The following PPP2R1B variants were observed in gnomAD, a reference collection of about 807,000 sequenced individuals.
PPP2R1B encodes the protein protein phosphatase 2 scaffold subunit Abeta.
In PPP2R1B, 58 loss-of-function variants were observed where a neutral mutation model predicts 72.7. The observed-to-expected ratio is 0.80, with a 90% CI of 0.65 to 0.99. PPP2R1B has a LOEUF of 0.99. Among genes scored for constraint, PPP2R1B ranks in the 50% least tolerant of loss-of-function variants. The probability of loss-of-function intolerance (pLI) is 0.00; values close to 1 mark genes in which losing one functional copy is unlikely to be tolerated. For missense variants in PPP2R1B, 695 were observed against 733.6 expected (o/e 0.95, Z 0.61); for synonymous variants, 256 against 264.6 (o/e 0.97, Z 0.32).
chr11:111,720,450 G>GT, the PPP2R1B span: 1 of 1,566,556 alleles, frequency 6.4e-7, no homozygotes, highest in Non-Finnish European at 8.6e-7. Context: ...ATTGCTGTTG[G>GT]TTTTATCTGT....
At chr11:111,748,256 G>C (rs782313900) in intron 10 of PPP2R1B, among the ~76,000 whole-genome samples, 3 of 152,232 alleles carry the variant, frequency 2.0e-5, no homozygotes, top group Non-Finnish European at 4.4e-5. Context: ...AGAGAACAGG[G>C]TGGCCAGAAG....
the PPP2R1B span, among the ~76,000 whole-genome samples, chr11:111,718,250 T>C: frequency 1.3e-5 from 2 of 152,188 alleles, no homozygotes; most frequent in Non-Finnish European, 2.9e-5. Flanking sequence ...AAAATTGTAT[T>C]AGTAGAGAGT....
downstream of PPP2R1B, among the ~76,000 whole-genome samples, chr11:111,735,527 T>A (rs1197669608): frequency 6.6e-6 from 1 of 152,004 alleles, no homozygotes; most frequent in Non-Finnish European, 1.5e-5. Context: ...GTGTGGGAGG[T>A]GACCCTCGCT....
chr11:111,726,842 C>G, downstream of PPP2R1B: 1 of 830,124 alleles, frequency 1.2e-6, no homozygotes, highest in Non-Finnish European at 2.0e-6. Context: ...CTTCATCACC[C>G]TGTAAACCAG....
the PPP2R1B span, among the ~76,000 whole-genome samples, chr11:111,696,389 G>A: frequency 6.6e-6 from 1 of 152,052 alleles, no homozygotes; most frequent in South Asian, 2.1e-4. Context: ...CTGGGTGAAG[G>A]GTATGGGGAA....
rs78226785 is a variant in PPP2R1B at position 111,746,693 on chromosome 11, A to G, written c.1399+1261T>C. On this transcript the variant is annotated intron_variant, in intron 11 of 14. Transcript: ENST00000527614. ...TGATTTGCTAGGATGCACCATTCCC[A>G]GTAACGTCAAATATTTATCAGATAT... Among the ~76,000 whole-genome samples, 521 of 152,330 alleles carry G rather than the reference A, an allele frequency of 3.4e-3. 4 individuals carry two copies. The highest frequency in any genetic ancestry group is 6.2e-3 in the Non-Finnish European group (424 of 68,024).
chr11:111,735,776 A>G (rs1944323131), downstream of PPP2R1B, among the ~76,000 whole-genome samples: 2 of 152,064 alleles, frequency 1.3e-5, no homozygotes, highest in Non-Finnish European at 2.9e-5. Context: ...GCTCACGCTC[A>G]CCCCATTCGG....
At chr11:111,745,134 C>T (rs570354706) in intron 11 of PPP2R1B, among the ~76,000 whole-genome samples, 13 of 149,540 alleles carry the variant, frequency 8.7e-5, no homozygotes, top group Middle Eastern at 3.4e-3. Flanking sequence ...TCACTGCAAC[C>T]TCCGCCTCCT....
intron 10 of PPP2R1B, among the ~76,000 whole-genome samples, chr11:111,751,562 G>A (rs1245085490): frequency 6.6e-6 from 1 of 152,112 alleles, no homozygotes; most frequent in Non-Finnish European, 1.5e-5. Flanking sequence ...TTGAATTTGG[G>A]CTGCTCAACC....
At chr11:111,692,405 G>A in the PPP2R1B span, among the ~76,000 whole-genome samples, 1 of 138,544 alleles carries the variant, frequency 7.2e-6, no homozygotes, top group Non-Finnish European at 1.5e-5. Context: ...AAGGAGAGAG[G>A]GAGAGAGAGA....
chr11:111,697,569 T>C, the PPP2R1B span, among the ~76,000 whole-genome samples: 1 of 152,216 alleles, frequency 6.6e-6, no homozygotes. Context: ...ATTTTTCAAA[T>C]GAGGAAACCA....
chr11:111,700,926 G>A, the PPP2R1B span: 1 of 1,614,054 alleles, frequency 6.2e-7, no homozygotes. Flanking sequence ...GTGAACTGCT[G>A]GCAACATGGT....
chr11:111,723,134 G>A (rs956432151), downstream of PPP2R1B, among the ~76,000 whole-genome samples: 1 of 152,134 alleles, frequency 6.6e-6, no homozygotes. Context: ...GCTTGGCCAA[G>A]GTAGACCTAC....
At chr11:111,709,002 T>C in the PPP2R1B span, among the ~76,000 whole-genome samples, 5 of 152,336 alleles carry the variant, frequency 3.3e-5, no homozygotes, top group African/African-American at 1.2e-4. Flanking sequence ...CTTTAATTAC[T>C]GTTTAGAGGT....
intron 11 of PPP2R1B, among the ~76,000 whole-genome samples, chr11:111,746,472 CAG>C (rs1367139282): frequency 2.0e-5 from 3 of 152,034 alleles, no homozygotes; most frequent in African/African-American, 4.8e-5. Flanking sequence ...TGAGGCCTAT[CAG>C]GGGGTGAGGG....
Position 111,753,511 on chromosome 11 carries a change from T to G in PPP2R1B, c.1096A>C (p.Thr366Pro). 1 of 1,613,066 alleles carries G rather than the reference T, an allele frequency of 6.2e-7. No homozygotes were observed. Among genetic ancestry groups the G allele is most frequent in the African/African-American group, 1.3e-5 (1 of 75,022 alleles). Residue 366 changes from threonine to proline, a missense_variant, in exon 9 of 15, where the codon ACT becomes CCT. Coordinates refer to ENST00000527614, the MANE Select transcript of PPP2R1B (RefSeq NM_002716.5). ...ALASVIMGLS[T>P]ILGKENTIEH... ...ATGGTATTTTCTTTGCCCAAAATAGTAGACAATCCCATAATTACAGAAGCT... is the reference window on the plus strand; with the variant it reads ...ATGGTATTTTCTTTGCCCAAAATAGGAGACAATCCCATAATTACAGAAGCT...
At chr11:111,758,701 A>T (rs369750143) in intron 5 of PPP2R1B, among the ~76,000 whole-genome samples, 6 of 152,162 alleles carry the variant, frequency 3.9e-5, no homozygotes, top group African/African-American at 1.2e-4. Flanking sequence ...GGAGGAGGAA[A>T]GAGAGATTGT....
the PPP2R1B span, among the ~76,000 whole-genome samples, chr11:111,714,169 G>C: frequency 6.6e-6 from 1 of 152,156 alleles, no homozygotes; most frequent in Non-Finnish European, 1.5e-5. Flanking sequence ...GACTGAAAAA[G>C]CAAGTACTAG....
intron 5 of PPP2R1B, 125 bp from the exon 6 acceptor site, chr11:111,755,575 T>C (rs1945078722): frequency 2.4e-6 from 2 of 844,650 alleles, no homozygotes; most frequent in South Asian, 5.7e-5. Flanking sequence ...TAGTTTCACG[T>C]CTTGACATCT....
Sources: allele counts gnomAD v4.1 joint callset (sites outside exome capture counted in the v4.1 genomes callset), GRCh38; gene constraint gnomAD v4.1.1; transcripts MANE v1.5; gene names NCBI Gene and HGNC (gene_info 2026-07-23, HGNC 2026-07-21).